The following ERBB4 variants were observed in gnomAD, a reference collection of about 807,000 sequenced individuals.
ERBB4 encodes erb-b2 receptor tyrosine kinase 4, also known as receptor tyrosine-protein kinase erbB-4.
Under a neutral mutation model 158.0 loss-of-function variants are expected in ERBB4, and 42 were observed. The ratio of observed to expected loss-of-function variants is 0.27; its 90% CI spans 0.21 to 0.34. ERBB4 has a LOEUF of 0.34. ERBB4 is among the 10% of genes least tolerant of loss of function. ERBB4 has a pLI of 1.00. For missense variants in ERBB4, 1,333 were observed against 1,624.1 expected (o/e 0.82, Z 3.08); for synonymous variants, 583 against 558.7 (o/e 1.04, Z -0.61).
At chr2:211,745,730 C>CAAAAAAAAAAAAAA (rs201484355) in intron 5 of ERBB4, among the ~76,000 whole-genome samples, 3 of 127,726 alleles carry the variant, frequency 2.3e-5, no homozygotes, top group Non-Finnish European at 4.9e-5. Flanking sequence ...AAAACAAAAA[C>CAAAAAAAAAAAAAA]AAAACAAAAA....
chr2:212,022,580 T>C (rs2076678763), intron 2 of ERBB4, among the ~76,000 whole-genome samples: 1 of 152,048 alleles, frequency 6.6e-6, no homozygotes, highest in Non-Finnish European at 1.5e-5. Context: ...TAATGTATGC[T>C]GGGCTTCATA....
At chr2:211,514,904 A>C (rs2125624552) in intron 20 of ERBB4, among the ~76,000 whole-genome samples, 1 of 152,222 alleles carries the variant, frequency 6.6e-6, no homozygotes, top group African/African-American at 2.4e-5. Context: ...TTGGATTTTG[A>C]TTTTCCAGAT....
intron 2 of ERBB4, among the ~76,000 whole-genome samples, chr2:212,036,815 T>C (rs748056224): frequency 2.6e-5 from 4 of 152,100 alleles, no homozygotes; most frequent in Non-Finnish European, 4.4e-5. Flanking sequence ...TAGATTCTAT[T>C]AAAAAAATAC....
At chr2:212,235,984 C>A (rs2083856737) in intron 1 of ERBB4, among the ~76,000 whole-genome samples, 1 of 152,176 alleles carries the variant, frequency 6.6e-6, no homozygotes, top group African/African-American at 2.4e-5. Context: ...ATTGCCCTAG[C>A]CAGAACTTCC....
chr2:212,224,545 C>T (rs1468810335), intron 1 of ERBB4, among the ~76,000 whole-genome samples: 1 of 151,902 alleles, frequency 6.6e-6, no homozygotes, highest in African/African-American at 2.4e-5. Context: ...CTTTTGCTTA[C>T]CCATTTATTC....
At chr2:212,041,825 C>A (rs887293954) in intron 2 of ERBB4, among the ~76,000 whole-genome samples, 4 of 152,048 alleles carry the variant, frequency 2.6e-5, no homozygotes, top group Admixed American at 2.6e-4. Context: ...ACGTTAATTA[C>A]CCGATGAAGC....
intron 2 of ERBB4, among the ~76,000 whole-genome samples, chr2:211,999,983 A>C (rs2125276791): frequency 6.6e-6 from 1 of 151,924 alleles, no homozygotes. Context: ...TCACGGTATA[A>C]TAGTAGGTAA....
intron 19 of ERBB4, among the ~76,000 whole-genome samples, chr2:211,567,610 C>T (rs1188431160): frequency 6.6e-6 from 1 of 152,080 alleles, no homozygotes; most frequent in Non-Finnish European, 1.5e-5. Flanking sequence ...AAAAGTCACA[C>T]GGAAGCTCTC....
In ERBB4 at chr2:212,513,643, C is replaced by G. The variant is rs563148360; in HGVS notation, c.82+24806G>C. ...TTGGCTAACACGGTGAAGCCCGTCT[C>G]TACTAAAAATACAAAAAATTAGCCG... On this transcript the variant is annotated intron_variant, in intron 1 of 27. Coordinates refer to ENST00000342788, the MANE Select transcript of ERBB4 (RefSeq NM_005235.3). Among the ~76,000 whole-genome samples, 173 of 152,188 alleles carry G rather than the reference C, an allele frequency of 1.1e-3. 2 individuals carry two copies. Among genetic ancestry groups the G allele is most frequent in the Non-Finnish European group, 5.6e-4 (38 of 68,002 alleles).
intron 20 of ERBB4, among the ~76,000 whole-genome samples, chr2:211,448,319 C>T (rs1261988020): frequency 6.6e-6 from 1 of 152,108 alleles, no homozygotes; most frequent in Admixed American, 6.6e-5. Context: ...AAGGTAGACT[C>T]TGCTGGATTT....
intron 3 of ERBB4, among the ~76,000 whole-genome samples, chr2:211,848,007 C>T (rs905912314): frequency 7.2e-5 from 11 of 152,024 alleles, no homozygotes; most frequent in South Asian, 2.1e-4. Context: ...AGAGACAGAG[C>T]GGGGCTTCAA....
chr2:212,019,375 G>A (rs944749628), intron 2 of ERBB4, among the ~76,000 whole-genome samples: 2 of 152,028 alleles, frequency 1.3e-5, no homozygotes, highest in Admixed American at 1.3e-4. Context: ...AATTAAAAAA[G>A]CATTTAAGGT....
chr2:211,884,949 A>T (rs770921591), intron 3 of ERBB4, among the ~76,000 whole-genome samples: 1 of 152,192 alleles, frequency 6.6e-6, no homozygotes, highest in Non-Finnish European at 1.5e-5. Context: ...AAATAAAAAT[A>T]GATATTTATG....
chr2:212,191,999 TTATATATAA>T (rs1381741412), intron 1 of ERBB4, among the ~76,000 whole-genome samples: 13 of 79,604 alleles, frequency 1.6e-4, no homozygotes, highest in East Asian at 5.5e-4. Context: ...GTTATATATG[TTATATATAA>T]TATATGTTAT....
chr2:211,560,862 T>C (rs1334013003), intron 20 of ERBB4, among the ~76,000 whole-genome samples: 1 of 152,044 alleles, frequency 6.6e-6, no homozygotes, highest in Non-Finnish European at 1.5e-5. Flanking sequence ...AATAATTATG[T>C]CAAATTTCTT....
chr2:211,440,026 A>C (rs1168439942), intron 20 of ERBB4, among the ~76,000 whole-genome samples: 1 of 152,222 alleles, frequency 6.6e-6, no homozygotes, highest in East Asian at 1.9e-4. Flanking sequence ...GGGGCTTGAA[A>C]GCCTTCTTAA....
chr2:212,371,184 T>C (rs1362367159), intron 1 of ERBB4, among the ~76,000 whole-genome samples: 1 of 152,186 alleles, frequency 6.6e-6, no homozygotes, highest in East Asian at 1.9e-4. Flanking sequence ...CATTGGGACC[T>C]GCCTCTTCCA....
At chr2:211,537,936 T>C (rs2066700481) in intron 20 of ERBB4, among the ~76,000 whole-genome samples, 1 of 151,968 alleles carries the variant, frequency 6.6e-6, no homozygotes, top group African/African-American at 2.4e-5. Context: ...AAATTTTATA[T>C]GTGCACCTGC....
intron 3 of ERBB4, 145 bp downstream of exon 3, chr2:211,947,285 T>A: frequency 1.4e-6 from 1 of 706,076 alleles, no homozygotes; most frequent in East Asian, 2.7e-5. Flanking sequence ...TCACAGGGCA[T>A]CATTGCTTAT....
Sources: gnomAD v4.1 joint callset for allele counts (sites outside exome capture counted in the v4.1 genomes callset) on GRCh38, gnomAD v4.1.1 for gene constraint, MANE v1.5 for transcripts, NCBI Gene and HGNC (gene_info 2026-07-23, HGNC 2026-07-21) for gene names.